The following KIF1C variants were observed in gnomAD, a reference collection of about 807,000 sequenced individuals.
The protein encoded by KIF1C is kinesin-like protein KIF1C.
KIF1C carries 61 observed loss-of-function variants against 126.5 expected under a neutral mutation model. That is an observed-to-expected ratio of 0.48 (90% CI 0.39 to 0.60). The LOEUF (loss-of-function observed/expected upper bound fraction) is 0.60. Among genes scored for constraint, KIF1C ranks in the 20% least tolerant of loss-of-function variants. The pLI is 0.00. For missense variants in KIF1C, 1,315 were observed against 1,489.2 expected (o/e 0.88, Z 1.93); for synonymous variants, 640 against 580.6 (o/e 1.10, Z -1.47).
intron 1 of KIF1C, chr17:4,999,006 C>CTA (rs1974486171): frequency 1.3e-5 from 2 of 152,350 alleles, no homozygotes; most frequent in African/African-American, 4.8e-5. Flanking sequence ...TTCTTTCTCC[C>CTA]TTTTAGGGAG....
chr17:5,019,395 T>C (rs1231700561), intron 18 of KIF1C: 1 of 168,026 alleles, frequency 6.0e-6, no homozygotes, highest in Non-Finnish European at 1.5e-5. Context: ...TGGCCACTGC[T>C]CCTCGAGGAC....
At position 5,025,432 on chromosome 17, in the gene KIF1C, A is replaced by G. The variant is rs1480408405; in HGVS notation, c.*1281A>G. 6.6e-6 allele frequency: 1 copy of G among 152,260 alleles called. No individual in the cohort carries two copies. The allele number at this position is 152,260 out of a possible 1,614,324, so 9.4% of individuals were successfully genotyped here. A position where few individuals can be genotyped will look rare whatever the true frequency, so the allele number is the denominator to read the frequency against. ...GATAGTGAATGGGTTGGGCAAGCAT[A>G]CTGCGCTTACCTGATTGTTTTCATC... is the stretch of plus-strand genomic sequence containing the variant. On this transcript the variant is annotated 3_prime_UTR_variant, in exon 23 of 23. Transcript: ENST00000320785.
chr17:5,023,892 G>A lies in KIF1C; in HGVS notation c.3053G>A (p.Arg1018His), dbSNP rs775861610. The change falls in exon 23 of 23, where the codon CGC becomes CAC. Residue 1018 changes from arginine to histidine, a missense_variant. Physicochemically the swap from Arg to His is conservative, Grantham distance 29 (BLOSUM62 0). This residue lies in a region of KIF1C where 441 missense variants were observed against 436.1 expected (regional missense o/e 1.01). Transcript: ENST00000320785. The surrounding 1 kb of genome is among the most constrained non-coding windows in gnomAD (Gnocchi z 4.2). ...EVTPHPATPA[R>H]RPPSPRRSHH... ...ACTCCCCATCCAGCCACCCCTGCCC[G>A]CCGGCCTCCGAGTCCCCGAAGGTCC... 35 of 1,545,646 alleles carry A rather than the reference G, an allele frequency of 2.3e-5. No individual in the cohort carries two copies. The Admixed American group carries it at 2.4e-4, about 11-fold the overall frequency.
chr17:5,018,069 C>T (rs986507413), intron 18 of KIF1C, among the ~76,000 whole-genome samples: 1 of 152,078 alleles, frequency 6.6e-6, no homozygotes, highest in East Asian at 1.9e-4. Flanking sequence ...TAGCCTCAAC[C>T]TCCCGGGTTA....
In KIF1C at chr17:5,025,531, T is replaced by C. The variant is rs968173267; in HGVS notation, c.*1380T>C. ...GTTATTTTATTTGTGTTAAGACTGT[T>C]TGTTGGCCAGGCGCAGTGGTTCACG... On this transcript the variant is annotated 3_prime_UTR_variant, in exon 23 of 23. Transcript: ENST00000320785. 6.6e-6 allele frequency: 1 copy of C among 152,172 alleles called. No individual in the cohort carries two copies. Among genetic ancestry groups the C allele is most frequent in the Non-Finnish European group, 1.5e-5 (1 of 68,056 alleles). The allele number at this position is 152,172 out of a possible 1,614,324, so 9.4% of individuals were successfully genotyped here.
intron 4 of KIF1C, 45 bp downstream of exon 4, chr17:5,000,893 G>C: frequency 6.4e-7 from 1 of 1,564,214 alleles, no homozygotes. Context: ...GAGAGACAGA[G>C]GATTTAGGTC....
At chr17:5,007,399 G>A in intron 15 of KIF1C, 57 bp downstream of exon 15, 2 of 1,609,910 alleles carry the variant, frequency 1.2e-6, no homozygotes, top group Non-Finnish European at 1.7e-6. Flanking sequence ...GGGGAGGTCA[G>A]GCCCCACAGG....
Position 4,998,009 on chromosome 17 carries a change from G to T in KIF1C, c.-296G>T, listed in dbSNP as rs917367122. The T allele has an allele frequency of 1.3e-5, 2 of 148,740 alleles. No individual in the cohort carries two copies. The highest frequency in any genetic ancestry group is 4.9e-5 in the African/African-American group (2 of 41,012). 9.2% of individuals were successfully genotyped at this position (148,740 alleles called of 1,614,324 possible). On this transcript the variant is annotated 5_prime_UTR_variant, in exon 1 of 23. Coordinates refer to ENST00000320785, the MANE Select transcript of KIF1C (RefSeq NM_006612.6). ...CGCCGCTACTGCTGCCGCCCCCGGGGCGCGAGTCCGCCGCCCGCCGCCCGG... is the reference window on the plus strand; with the variant it reads ...CGCCGCTACTGCTGCCGCCCCCGGGTCGCGAGTCCGCCGCCCGCCGCCCGG...
chr17:5,001,087 C>A, intron 4 of KIF1C, 135 bp from the exon 5 acceptor site: 1 of 1,004,122 alleles, frequency 1.0e-6, no homozygotes, highest in South Asian at 1.5e-5. Flanking sequence ...GTGGTAAGGA[C>A]AATGATGAGG....
chr17:5,010,554 C>G (rs981938696), intron 16 of KIF1C, among the ~76,000 whole-genome samples: 1 of 151,802 alleles, frequency 6.6e-6, no homozygotes, highest in African/African-American at 2.4e-5. Flanking sequence ...CGAGACCATC[C>G]TGGCTAACAA....
intron 18 of KIF1C, 119 bp downstream of exon 18, chr17:5,014,956 TGTG>T (rs1387761580): frequency 2.5e-6 from 2 of 791,824 alleles, no homozygotes; most frequent in Non-Finnish European, 4.1e-6. Context: ...AAAGAGGGGA[TGTG>T]GCCTTGTCCT....
chr17:5,020,745 G>T lies in KIF1C; in HGVS notation c.1938-61G>T. On this transcript the variant is annotated intron_variant, in intron 20 of 22. Coordinates refer to ENST00000320785, the MANE Select transcript of KIF1C (RefSeq NM_006612.6). The surrounding 1 kb of genome is among the most constrained non-coding windows in gnomAD (Gnocchi z 5.8). ...GTCCCTCCCGGGCCTCTGGGCCCGT[G>T]TCCTCCTCTTGTCAGATACTCACCA... The T allele has an allele frequency of 6.2e-7, 1 of 1,606,418 alleles. No homozygotes were observed. The highest frequency in any genetic ancestry group is 1.7e-5 in the Admixed American group (1 of 58,208).
Position 5,007,527 on chromosome 17 carries a change from C to T in KIF1C, c.1476C>T (p.Val492=). The part of the protein sequence containing the change: ...AVREDGGTVG[V]FSPKKTPHLV... Reference sequence around the variant, plus strand: ...GGGAGGATGGGGGAACTGTGGGCGTCTTCTCTCCAAAGAAGGTGAGTGAGG... The same window carrying T: ...GGGAGGATGGGGGAACTGTGGGCGTTTTCTCTCCAAAGAAGGTGAGTGAGG... Residue 492 remains valine (V), a synonymous_variant, in exon 16 of 23, where the codon GTC becomes GTT. Transcript: ENST00000320785. The T allele has an allele frequency of 1.3e-6, 2 of 1,559,314 alleles. No homozygotes were observed. The highest frequency in any genetic ancestry group is 1.7e-6 in the Non-Finnish European group (2 of 1,153,588).
Position 5,023,896 on chromosome 17 carries a change from G to A in KIF1C, c.3057G>A (p.Arg1019=). 6.5e-7 allele frequency: 1 copy of A among 1,549,474 alleles called. No homozygotes were observed. The highest frequency in any genetic ancestry group is 8.7e-7 in the Non-Finnish European group (1 of 1,147,662). The change falls in exon 23 of 23, where the codon CGG becomes CGA. Residue 1019 remains arginine (R), a synonymous_variant. Transcript: ENST00000320785. This position sits in a 1 kb window ranked among gnomAD's most constrained non-coding sequence, Gnocchi z 4.2. ...CCCATCCAGCCACCCCTGCCCGCCGGCCTCCGAGTCCCCGAAGGTCCCACC... is the reference window on the plus strand; with the variant it reads ...CCCATCCAGCCACCCCTGCCCGCCGACCTCCGAGTCCCCGAAGGTCCCACC... ...VTPHPATPAR[R]PPSPRRSHHP... is the part of the protein sequence containing the mutation.
At position 5,020,994 on chromosome 17, in the gene KIF1C, A is replaced by T; in HGVS notation, c.2010+116A>T. On this transcript the variant is annotated intron_variant, in intron 21 of 22. Coordinates refer to ENST00000320785, the MANE Select transcript of KIF1C (RefSeq NM_006612.6). The surrounding 1 kb of genome is among the most constrained non-coding windows in gnomAD (Gnocchi z 5.8). ...GGAAATGGGCATGGGGGTAAGGGGA[A>T]GGGTCCAAGAGGAAAAAGCCAGGAG... The T allele has an allele frequency of 1.2e-6, 1 of 832,898 alleles. No individual in the cohort carries two copies. Among genetic ancestry groups the T allele is most frequent in the Non-Finnish European group, 1.9e-6 (1 of 515,610 alleles). 51.6% of individuals were successfully genotyped at this position (832,898 alleles called of 1,614,324 possible).
intron 16 of KIF1C, among the ~76,000 whole-genome samples, chr17:5,009,859 A>G (rs1347951743): frequency 6.6e-6 from 1 of 151,842 alleles, no homozygotes; most frequent in African/African-American, 2.4e-5. Flanking sequence ...GTACAGGCAT[A>G]TGTTATATAG....
In KIF1C at chr17:5,026,188, C is replaced by T. The variant is rs544122005; in HGVS notation, c.*2037C>T. ...CTCTGACTGCCAGGTTTTCACAGAC[C>T]TGTTGACAGTGACTCAAGATCTGGA... On this transcript the variant is annotated 3_prime_UTR_variant, in exon 23 of 23. Transcript: ENST00000320785. The T allele has an allele frequency of 6.6e-6, 1 of 152,284 alleles. No homozygotes were observed. Among genetic ancestry groups the T allele is most frequent in the South Asian group, 2.1e-4 (1 of 4,814 alleles). The allele number at this position is 152,284 out of a possible 1,614,324, so 9.4% of individuals were successfully genotyped here.
In KIF1C at chr17:5,002,860, C is replaced by A. The variant is rs201947256; in HGVS notation, c.720+18C>A. On this transcript the variant is annotated intron_variant, in intron 8 of 22. Coordinates refer to ENST00000320785, the MANE Select transcript of KIF1C (RefSeq NM_006612.6). ...CGGAGAAGGTGGGATCGCCCCCCCCCCCACTCCCCCACCGGATGCAACCTC... is the reference window on the plus strand; with the variant it reads ...CGGAGAAGGTGGGATCGCCCCCCCCACCACTCCCCCACCGGATGCAACCTC... 16,224 of 1,575,670 alleles carry A rather than the reference C, an allele frequency of 0.01. 111 individuals carry two copies. Among genetic ancestry groups the A allele is most frequent in the Non-Finnish European group, 0.013 (14,731 of 1,149,932 alleles).
chr17:4,999,333 T>C (rs1974503917), intron 1 of KIF1C, among the ~76,000 whole-genome samples: 1 of 152,112 alleles, frequency 6.6e-6, no homozygotes, highest in Non-Finnish European at 1.5e-5. Context: ...TGAGGACAGG[T>C]TTTGCATTTG....
Sources: gnomAD v4.1 joint callset for allele counts (sites outside exome capture counted in the v4.1 genomes callset) on GRCh38, gnomAD v4.1.1 for gene constraint, gnomAD v4.1.1 regional missense constraint, Gnocchi (gnomAD v3.1) non-coding constraint, MANE v1.5 for transcripts, NCBI Gene and HGNC (gene_info 2026-07-23, HGNC 2026-07-21) for gene names.